Variants in MAF observed in about 807,000 individuals in gnomAD.
The protein encoded by MAF is transcription factor Maf.
In MAF, 10 loss-of-function variants were observed where a neutral mutation model predicts 22.0. The ratio of observed to expected loss-of-function variants is 0.45; its 90% CI spans 0.28 to 0.77. The LOEUF (loss-of-function observed/expected upper bound fraction) is 0.77. MAF is among the 30% of genes least tolerant of loss of function. The pLI, the probability that MAF is intolerant of heterozygous loss-of-function variation, is 0.12. For synonymous variants in MAF, 337 were observed against 255.8 expected, an observed-to-expected ratio of 1.32 and a Z score of -3.03; for missense variants, 544 against 548.4, an observed-to-expected ratio of 0.99 and a Z score of 0.08.
chr16:79,228,251 C>G, the MAF span, among the ~76,000 whole-genome samples: 1 of 152,016 alleles, frequency 6.6e-6, no homozygotes, highest in African/African-American at 2.4e-5. Context: ...TGTGTAACAA[C>G]TATTTGAAGG....
chr16:79,230,355 C>T, the MAF span, among the ~76,000 whole-genome samples: 3 of 152,128 alleles, frequency 2.0e-5, no homozygotes, highest in African/African-American at 7.2e-5. Context: ...ATAGAGGGAA[C>T]TGAGCAAGAA....
At chr16:79,429,464 C>T in the MAF span, among the ~76,000 whole-genome samples, 26 of 152,186 alleles carry the variant, frequency 1.7e-4, no homozygotes, top group Admixed American at 5.9e-4. Context: ...GTGCCTCCCT[C>T]GCCTGATGCC....
chr16:79,392,909 C>G, the MAF span, among the ~76,000 whole-genome samples: 1 of 152,220 alleles, frequency 6.6e-6, no homozygotes, highest in Admixed American at 6.5e-5. Context: ...CTTCCCCCTA[C>G]AGCTGAGCAA....
rs1178381878 is a variant in MAF, at chr16:79,599,584, C to G, written c.319G>C (p.Gly107Arg). The G allele has an allele frequency of 6.2e-7, 1 of 1,606,240 alleles. No homozygotes were observed. Among genetic ancestry groups the G allele is most frequent in the Non-Finnish European group, 8.5e-7 (1 of 1,177,250 alleles). Residue 107 changes from glycine to arginine, a missense_variant, in exon 1 of 2, where the codon GGC becomes CGC. Transcript: ENST00000326043. Reference protein sequence around the residue: ...YPQQLNPEALGFSPEDAVEAL... With the variant: ...YPQQLNPEALRFSPEDAVEAL... Reference sequence around the variant, plus strand: ...TCGACCGCGTCCTCGGGGCTGAAGCCCAGCGCCTCGGGGTTCAGCTGCTGC... The same window carrying G: ...TCGACCGCGTCCTCGGGGCTGAAGCGCAGCGCCTCGGGGTTCAGCTGCTGC...
the MAF span, among the ~76,000 whole-genome samples, chr16:79,567,642 C>A: frequency 6.6e-5 from 10 of 152,156 alleles, 1 homozygote; most frequent in African/African-American, 2.4e-4. Context: ...GAAGCATGGC[C>A]TCTCCCCACT....
chr16:79,220,149 G>A, the MAF span, among the ~76,000 whole-genome samples: 16 of 151,520 alleles, frequency 1.1e-4, no homozygotes, highest in Admixed American at 4.6e-4. Context: ...CCAGTTACTC[G>A]GGAGGCTGAG....
downstream of MAF, among the ~76,000 whole-genome samples, chr16:79,581,403 G>T (rs532385843): frequency 2.0e-5 from 3 of 152,254 alleles, no homozygotes; most frequent in South Asian, 2.1e-4. Context: ...CTTTGCAGAG[G>T]GGGGAGTCAA....
the MAF span, among the ~76,000 whole-genome samples, chr16:79,243,322 C>A: frequency 4.9e-3 from 742 of 150,778 alleles, 7 homozygotes; most frequent in African/African-American, 0.017. Flanking sequence ...AGACCACTAG[C>A]CAGATTAATT....
At chr16:79,226,457 C>G in the MAF span, among the ~76,000 whole-genome samples, 1 of 151,938 alleles carries the variant, frequency 6.6e-6, no homozygotes, top group Non-Finnish European at 1.5e-5. Context: ...CAACAAACCA[C>G]CATGGCATGT....
chr16:79,551,007 C>T, the MAF span, among the ~76,000 whole-genome samples: 2 of 152,142 alleles, frequency 1.3e-5, no homozygotes, highest in African/African-American at 2.4e-5. Flanking sequence ...CAGCAGAGAT[C>T]CCCCGCATGG....
At chr16:79,241,661 G>T in the MAF span, among the ~76,000 whole-genome samples, 1 of 151,976 alleles carries the variant, frequency 6.6e-6, no homozygotes, top group African/African-American at 2.4e-5. Flanking sequence ...TGGCAAGGCA[G>T]GCCAACATTC....
At chr16:79,424,885 T>C in the MAF span, among the ~76,000 whole-genome samples, 9 of 152,210 alleles carry the variant, frequency 5.9e-5, no homozygotes. Flanking sequence ...CTACATATTT[T>C]CATTATGAAA....
the MAF span, among the ~76,000 whole-genome samples, chr16:79,228,550 C>T: frequency 6.6e-6 from 1 of 152,074 alleles, no homozygotes; most frequent in Non-Finnish European, 1.5e-5. Flanking sequence ...ACACATTGAT[C>T]TTCCTGATCC....
chr16:79,214,938 G>A, the MAF span, among the ~76,000 whole-genome samples: 2 of 150,372 alleles, frequency 1.3e-5, 1 homozygote, highest in African/African-American at 4.9e-5. Flanking sequence ...TCGAACTCCT[G>A]ACCTCAGGTG....
chr16:79,340,136 C>T, the MAF span, among the ~76,000 whole-genome samples: 5 of 151,944 alleles, frequency 3.3e-5, no homozygotes, highest in East Asian at 3.9e-4. Flanking sequence ...ACGGCTGTTC[C>T]GGGAGGTCAG....
chr16:79,274,900 G>C, the MAF span, among the ~76,000 whole-genome samples: 1 of 152,212 alleles, frequency 6.6e-6, no homozygotes, highest in Admixed American at 6.5e-5. Flanking sequence ...TTCAATTCAA[G>C]TTCAGGGATG....
At chr16:79,350,707 G>A in the MAF span, among the ~76,000 whole-genome samples, 1 of 152,212 alleles carries the variant, frequency 6.6e-6, no homozygotes, top group Non-Finnish European at 1.5e-5. Context: ...GGGCTGCTGA[G>A]ACCCTGGGTA....
At chr16:79,275,191 A>C in the MAF span, among the ~76,000 whole-genome samples, 1 of 152,258 alleles carries the variant, frequency 6.6e-6, no homozygotes, top group South Asian at 2.1e-4. Flanking sequence ...TCTTGTCTCT[A>C]CTAAAAATAC....
chr16:79,371,763 C>G, the MAF span, among the ~76,000 whole-genome samples: 5 of 152,226 alleles, frequency 3.3e-5, no homozygotes, highest in Admixed American at 6.5e-5. Context: ...CTTGGCCCAC[C>G]ACCGTTCAGA....
Sources: gnomAD v4.1 joint callset for allele counts (sites outside exome capture counted in the v4.1 genomes callset) on GRCh38, gnomAD v4.1.1 for gene constraint, MANE v1.5 for transcripts, NCBI Gene and HGNC (gene_info 2026-07-23, HGNC 2026-07-21) for gene names.